AMOTL1: variants seen among roughly 807,000 people sequenced by gnomAD.
AMOTL1 encodes the protein angiomotin-like protein 1.
A neutral mutation model predicts 102.9 loss-of-function variants in AMOTL1; 45 were observed. The ratio of observed to expected loss-of-function variants is 0.44; its 90% CI spans 0.34 to 0.56. The LOEUF (loss-of-function observed/expected upper bound fraction) is 0.56, where lower values mean the gene tolerates loss of function less well. AMOTL1 is among the 20% of genes least tolerant of loss of function. The pLI, the probability that AMOTL1 is intolerant of heterozygous loss-of-function variation, is 0.01. For synonymous variants in AMOTL1, 481 were observed against 484.7 expected (o/e 0.99, Z 0.10); for missense variants, 1,114 against 1,225.6 (o/e 0.91, Z 1.36).
chr11:94,843,866 A>G (rs1233987448), intron 6 of AMOTL1, among the ~76,000 whole-genome samples: 1 of 152,158 alleles, frequency 6.6e-6, no homozygotes, highest in East Asian at 1.9e-4. Context: ...AGAGCATTCC[A>G]GGTTAGGAAG....
At chr11:94,853,630 GA>G (rs1952595119) in intron 7 of AMOTL1, among the ~76,000 whole-genome samples, 1 of 152,120 alleles carries the variant, frequency 6.6e-6, no homozygotes, top group Non-Finnish European at 1.5e-5. Flanking sequence ...TCCAATGCCT[GA>G]AAATGCAGAA....
intron 3 of AMOTL1, among the ~76,000 whole-genome samples, chr11:94,745,632 G>A (rs1430864): frequency 0.13 from 19,061 of 152,102 alleles, 2,409 homozygotes; most frequent in African/African-American, 0.3. Flanking sequence ...AGGTGATTAA[G>A]CTGCTTTAAG....
chr11:94,730,183 A>T (rs1950324642), intron 2 of AMOTL1, among the ~76,000 whole-genome samples: 1 of 152,132 alleles, frequency 6.6e-6, no homozygotes, highest in Admixed American at 6.5e-5. Context: ...CTAGTTCAAC[A>T]CACAGCCCTT....
intron 2 of AMOTL1, among the ~76,000 whole-genome samples, chr11:94,738,071 G>GA (rs754006265): frequency 9.2e-5 from 14 of 152,156 alleles, no homozygotes; most frequent in Non-Finnish European, 1.8e-4. Flanking sequence ...TGGGAAGAGG[G>GA]AAAAGCCACA....
intron 3 of AMOTL1, among the ~76,000 whole-genome samples, chr11:94,803,714 T>A (rs1282454167): frequency 6.6e-6 from 1 of 152,200 alleles, no homozygotes; most frequent in Non-Finnish European, 1.5e-5. Flanking sequence ...TGGAAATGAA[T>A]GCATGAATGA....
upstream of AMOTL1, among the ~76,000 whole-genome samples, chr11:94,767,278 T>G (rs1263162279): frequency 1.3e-5 from 2 of 152,214 alleles, no homozygotes; most frequent in Admixed American, 6.5e-5. Context: ...TAAATAATTG[T>G]TAAATGATTA....
rs182301624 is a variant in AMOTL1, at chr11:94,720,553, C to T, written c.-50-8368C>T. 2.4e-4 allele frequency among the ~76,000 whole-genome samples: 36 copies of T among 152,228 alleles called. 1 individual carries two copies. The East Asian group carries it at 5.2e-3, about 22-fold the overall frequency. On this transcript the variant is annotated intron_variant, in intron 1 of 4. Coordinates refer to the AMOTL1 transcript ENST00000299004. Reference sequence around the variant, plus strand: ...AGGAGCTATTCCAAGCCACATACCTCCCTCACCTAAAACCCCTCCCTGAAG... The same window carrying T: ...AGGAGCTATTCCAAGCCACATACCTTCCTCACCTAAAACCCCTCCCTGAAG...
chr11:94,762,938 G>A (rs897137345), intron 3 of AMOTL1, among the ~76,000 whole-genome samples: 1 of 152,164 alleles, frequency 6.6e-6, no homozygotes, highest in African/African-American at 2.4e-5. Flanking sequence ...ATAACTTAAC[G>A]ATCCCGCCAA....
intron 1 of AMOTL1, among the ~76,000 whole-genome samples, chr11:94,707,034 G>T (rs533755428): frequency 1.3e-5 from 2 of 152,108 alleles, no homozygotes; most frequent in Admixed American, 1.3e-4. Context: ...CTGTTTCGCT[G>T]GTGTGAATGC....
chr11:94,797,473 G>A (rs1025341038), intron 2 of AMOTL1, among the ~76,000 whole-genome samples: 3 of 152,216 alleles, frequency 2.0e-5, no homozygotes, highest in African/African-American at 7.2e-5. Flanking sequence ...CAGATGCGAA[G>A]ACATGATCTT....
Position 94,864,870 on chromosome 11 carries a change from G to A in AMOTL1, c.2261+10G>A, listed in dbSNP as rs773499663. ...AGGACATGGAATACACGTAAGGGAC[G>A]ACTATGTGTGACGTGTGGGGCCCGC... On this transcript the variant is annotated intron_variant, in intron 10 of 12. Coordinates refer to ENST00000433060, the MANE Select transcript of AMOTL1 (RefSeq NM_130847.3). 4 of 1,610,788 alleles carry A rather than the reference G, an allele frequency of 2.5e-6. No homozygotes were observed. The highest frequency in any genetic ancestry group is 1.1e-5 in the South Asian group (1 of 90,434).
Position 94,768,439 on chromosome 11 carries a change from C to A in AMOTL1, c.-73C>A. The A allele has an allele frequency of 2.6e-6, 4 of 1,546,088 alleles. No homozygotes were observed. The South Asian group carries it at 4.8e-5, about 18-fold the overall frequency. ...GCCCTGTGTGAATGGGGTTGATTGTCCGGCGCCACTTCCCCGCGCTGCCCG... is the reference window on the plus strand; with the variant it reads ...GCCCTGTGTGAATGGGGTTGATTGTACGGCGCCACTTCCCCGCGCTGCCCG... On this transcript the variant is annotated 5_prime_UTR_variant, in exon 1 of 13. Coordinates refer to ENST00000433060, the MANE Select transcript of AMOTL1 (RefSeq NM_130847.3).
intron 1 of AMOTL1, among the ~76,000 whole-genome samples, chr11:94,711,473 G>A (rs73525844): frequency 0.023 from 3,458 of 152,074 alleles, 128 homozygotes; most frequent in African/African-American, 0.08. Context: ...CATTGTGTGT[G>A]TGTGTGTTTG....
In AMOTL1 at chr11:94,831,924, C is replaced by T. The variant is rs555351655; in HGVS notation, c.1648+383C>T. Among the ~76,000 whole-genome samples the T allele has an allele frequency of 4.5e-4, 68 of 152,260 alleles. 1 individual carries two copies. Among genetic ancestry groups the T allele is most frequent in the South Asian group, 6.2e-4 (3 of 4,818 alleles). On this transcript the variant is annotated intron_variant, in intron 6 of 12. Coordinates refer to ENST00000433060, the MANE Select transcript of AMOTL1 (RefSeq NM_130847.3). ...GTTCTCTCTAGGGAGGTTTTGTCCT[C>T]GTATAGGTTGTGGAGTTCTAGACTG... is the stretch of plus-strand genomic sequence containing the variant.
At position 94,831,514 on chromosome 11, in the gene AMOTL1, G is replaced by C; in HGVS notation, c.1621G>C (p.Ala541Pro). 3 of 1,613,944 alleles carry C rather than the reference G, an allele frequency of 1.9e-6. No individual in the cohort carries two copies. Among genetic ancestry groups the C allele is most frequent in the Non-Finnish European group, 2.5e-6 (3 of 1,179,816 alleles). The change falls in exon 6 of 13, where the codon GCT (alanine) becomes CCT (proline). Residue 541 changes from alanine (A) to proline (P), a missense_variant. Physicochemically the swap from Ala to Pro is conservative, Grantham distance 27. Coordinates refer to ENST00000433060, the MANE Select transcript of AMOTL1 (RefSeq NM_130847.3). ...GGAATACGAAGGGCATGAAGACAAAGCTGCAGAGGGGCATTATGCTTCCCA... is the reference window on the plus strand; with the variant it reads ...GGAATACGAAGGGCATGAAGACAAACCTGCAGAGGGGCATTATGCTTCCCA... ...SREYEGHEDK[A>P]AEGHYASQNK...
chr11:94,741,023 C>G (rs1430867813), intron 3 of AMOTL1: 13 of 1,286,350 alleles, frequency 1.0e-5, no homozygotes, highest in Non-Finnish European at 8.1e-6. Flanking sequence ...ATTTCTTGGT[C>G]GCAATTCTGC....
Position 94,799,834 on chromosome 11 carries a change from GCC to G in AMOTL1, c.645_646del (p.His216TrpfsTer15). 1 of 1,592,972 alleles carries G rather than the reference GCC, an allele frequency of 6.3e-7. No individual in the cohort carries two copies. The highest frequency in any genetic ancestry group is 8.6e-7 in the Non-Finnish European group (1 of 1,169,244). On this transcript the variant is annotated frameshift_variant, in exon 3 of 13. Coordinates refer to ENST00000433060, the MANE Select transcript of AMOTL1 (RefSeq NM_130847.3). LOFTEE classifies it high-confidence loss of function. This position sits in a 1 kb window ranked among gnomAD's most constrained non-coding sequence, Gnocchi z 4.5. ...CAGCAACAGCAGCAGGGGGCGGTGG[GCC>G]ATGGTTACTACATGGCAGGGGGCAC... is the stretch of plus-strand genomic sequence containing the variant.
intron 2 of AMOTL1, chr11:94,740,850 C>G: frequency 8.8e-7 from 1 of 1,133,294 alleles, no homozygotes; most frequent in South Asian, 1.3e-5. Flanking sequence ...CGCGCTTTTC[C>G]CGGGGACCTG....
chr11:94,842,938 C>T (rs1481538722), intron 6 of AMOTL1, among the ~76,000 whole-genome samples: 2 of 152,190 alleles, frequency 1.3e-5, no homozygotes, highest in African/African-American at 2.4e-5. Context: ...ACTCCACTCT[C>T]TCTGCCATTT....
Sources: allele counts gnomAD v4.1 joint callset (sites outside exome capture counted in the v4.1 genomes callset), GRCh38; gene constraint gnomAD v4.1.1; non-coding constraint Gnocchi (gnomAD v3.1); transcripts MANE v1.5; gene names NCBI Gene and HGNC (gene_info 2026-07-23, HGNC 2026-07-21).